Variants in SPAG16 observed in about 807,000 individuals in gnomAD.
SPAG16 encodes sperm-associated antigen 16 protein.
A neutral mutation model predicts 80.4 loss-of-function variants in SPAG16; 86 were observed. That is an observed-to-expected ratio of 1.07 (90% CI 0.90 to 1.28). The LOEUF is 1.28. Ranked by LOEUF, SPAG16 falls within the 50% of genes most tolerant of loss-of-function variation. The pLI is 0.00. For synonymous variants in SPAG16, 294 were observed against 265.9 expected, an observed-to-expected ratio of 1.11 and a Z score of -1.03; for missense variants, 870 against 765.3, an observed-to-expected ratio of 1.14 and a Z score of -1.61.
chr2:214,300,625 T>G (rs922328934), intron 15 of SPAG16, among the ~76,000 whole-genome samples: 5 of 152,144 alleles, frequency 3.3e-5, no homozygotes, highest in African/African-American at 1.2e-4. Context: ...ACAAGGAAAT[T>G]TGGTTATTTT....
chr2:214,146,720 G>C (rs2055655692), intron 14 of SPAG16, among the ~76,000 whole-genome samples: 1 of 152,056 alleles, frequency 6.6e-6, no homozygotes, highest in African/African-American at 2.4e-5. Context: ...ACCATATTTG[G>C]CTGGGCGCAG....
intron 10 of SPAG16, among the ~76,000 whole-genome samples, chr2:213,527,581 T>G (rs1385891973): frequency 6.6e-6 from 1 of 152,192 alleles, no homozygotes; most frequent in South Asian, 2.1e-4. Context: ...AAATAGTAAA[T>G]GTCAGGAATA....
Position 213,645,679 on chromosome 2 carries a change from G to A in SPAG16, c.1070+155589G>A, listed in dbSNP as rs2062795416. Among the ~76,000 whole-genome samples, 4 of 152,220 alleles carry A rather than the reference G, an allele frequency of 2.6e-5. No individual in the cohort carries two copies. The South Asian group carries it at 8.3e-4, about 32-fold the overall frequency. Reference sequence around the variant, plus strand: ...CTCCTCTTCTCAAGCAAAATGGAGGGGTCTCTTGGAGCTGGAAGCTCTGCA... The same window carrying A: ...CTCCTCTTCTCAAGCAAAATGGAGGAGTCTCTTGGAGCTGGAAGCTCTGCA... On this transcript the variant is annotated intron_variant, in intron 10 of 15. Transcript: ENST00000331683.
chr2:213,552,283 G>T (rs973375021), intron 10 of SPAG16, among the ~76,000 whole-genome samples: 1 of 152,050 alleles, frequency 6.6e-6, no homozygotes, highest in Non-Finnish European at 1.5e-5. Flanking sequence ...TGTGGACTCT[G>T]CAGGTTTCTA....
intron 10 of SPAG16, among the ~76,000 whole-genome samples, chr2:213,741,335 C>T (rs1691481398): frequency 6.6e-6 from 1 of 152,084 alleles, no homozygotes; most frequent in African/African-American, 2.4e-5. Flanking sequence ...GATATGCTGA[C>T]TCCTATATGT....
intron 9 of SPAG16, among the ~76,000 whole-genome samples, chr2:213,474,758 G>T (rs1465638630): frequency 6.6e-6 from 1 of 152,014 alleles, no homozygotes; most frequent in Admixed American, 6.6e-5. Context: ...ATCTGTATTA[G>T]CCAGGGTTCT....
intron 11 of SPAG16, among the ~76,000 whole-genome samples, chr2:213,900,158 A>T (rs2042786): frequency 6.6e-6 from 1 of 151,874 alleles, no homozygotes; most frequent in Non-Finnish European, 1.5e-5. Flanking sequence ...AAATGGGTAC[A>T]CTGACAAATT....
At chr2:213,969,903 G>T (rs2106376425) in intron 12 of SPAG16, among the ~76,000 whole-genome samples, 1 of 152,164 alleles carries the variant, frequency 6.6e-6, no homozygotes, top group Middle Eastern at 3.4e-3. Flanking sequence ...CACTCCGTTT[G>T]GGCTATTATA....
At chr2:214,281,587 T>G (rs904789514) in intron 15 of SPAG16, 2 of 152,178 alleles carry the variant, frequency 1.3e-5, no homozygotes, top group Non-Finnish European at 2.9e-5. Context: ...CACACACTCC[T>G]GGTGGGAATG....
chr2:213,384,876 G>A (rs1048927276), intron 9 of SPAG16, among the ~76,000 whole-genome samples: 1 of 152,080 alleles, frequency 6.6e-6, no homozygotes, highest in East Asian at 1.9e-4. Flanking sequence ...TCTTCCTAGC[G>A]TTCTATGGTT....
At chr2:214,077,075 G>A (rs1008094126) in intron 13 of SPAG16, among the ~76,000 whole-genome samples, 1 of 152,162 alleles carries the variant, frequency 6.6e-6, no homozygotes, top group African/African-American at 2.4e-5. Flanking sequence ...AGGCCAAGAA[G>A]AGATTTATTT....
chr2:213,772,341 C>G (rs750265441), intron 10 of SPAG16, among the ~76,000 whole-genome samples: 34 of 152,110 alleles, frequency 2.2e-4, no homozygotes, highest in Non-Finnish European at 3.7e-4. Flanking sequence ...ATCTCAGAAG[C>G]TAAGCAGGAT....
rs192785317 is a variant in SPAG16 at position 213,312,626 on chromosome 2, C to T, written c.398+2449C>T. 5.0e-3 allele frequency among the ~76,000 whole-genome samples: 755 copies of T among 151,574 alleles called. 3 individuals carry two copies. The highest frequency in any genetic ancestry group is 8.6e-3 in the Non-Finnish European group (582 of 67,676). On this transcript the variant is annotated intron_variant, in intron 4 of 15. Transcript: ENST00000331683. ...TTCGTATTCAACACTTAGTTCTCTC[C>T]AGTTTGGCCTATTCGCACCATTTCA...
At chr2:214,233,563 A>G (rs1249717915) in intron 15 of SPAG16, among the ~76,000 whole-genome samples, 1 of 152,082 alleles carries the variant, frequency 6.6e-6, no homozygotes, top group African/African-American at 2.4e-5. Flanking sequence ...CTAAGACAGG[A>G]ACTAAAAAGT....
chr2:213,888,359 C>T (rs1422938844), intron 11 of SPAG16, among the ~76,000 whole-genome samples: 1 of 151,764 alleles, frequency 6.6e-6, no homozygotes, highest in Non-Finnish European at 1.5e-5. Context: ...TTGGCCACTT[C>T]TATATGGTTT....
At chr2:213,514,033 T>G in intron 10 of SPAG16, among the ~76,000 whole-genome samples, 1 of 152,104 alleles carries the variant, frequency 6.6e-6, no homozygotes, top group East Asian at 1.9e-4. Flanking sequence ...TACCAGACAG[T>G]TAATCTATCG....
intron 10 of SPAG16, among the ~76,000 whole-genome samples, chr2:213,564,245 G>A (rs1424965242): frequency 6.6e-6 from 1 of 151,984 alleles, no homozygotes; most frequent in Non-Finnish European, 1.5e-5. Flanking sequence ...AAAAAAACGA[G>A]TATGTCTGGG....
chr2:213,447,704 G>A (rs1346837303), intron 9 of SPAG16, among the ~76,000 whole-genome samples: 1 of 152,216 alleles, frequency 6.6e-6, no homozygotes, highest in African/African-American at 2.4e-5. Flanking sequence ...ATACAGAGTT[G>A]TGTTAAGCCT....
chr2:214,036,832 ATCT>A (rs2048723806), intron 13 of SPAG16, among the ~76,000 whole-genome samples: 1 of 152,168 alleles, frequency 6.6e-6, no homozygotes, highest in Admixed American at 6.5e-5. Context: ...CTATGGTTAG[ATCT>A]TCTCCCATTA....
Sources: allele counts gnomAD v4.1 joint callset (sites outside exome capture counted in the v4.1 genomes callset), GRCh38; gene constraint gnomAD v4.1.1; transcripts MANE v1.5; gene names NCBI Gene and HGNC (gene_info 2026-07-23, HGNC 2026-07-21).